Variants in LRFN5 observed in about 807,000 individuals in gnomAD.
The protein encoded by LRFN5 is leucine-rich repeat and fibronectin type-III domain-containing protein 5.
A neutral mutation model predicts 45.6 loss-of-function variants in LRFN5; 24 were observed. The ratio of observed to expected loss-of-function variants is 0.53; its 90% confidence interval spans 0.38 to 0.74. The LOEUF (loss-of-function observed/expected upper bound fraction) is 0.74, where lower values mean the gene tolerates loss of function less well. LRFN5 is among the 30% of genes least tolerant of loss of function. LRFN5 has a pLI of 0.00. For missense variants in LRFN5, 776 were observed against 861.5 expected (o/e 0.90, Z 1.24); for synonymous variants, 340 against 313.8 (o/e 1.08, Z -0.88).
intron 1 of LRFN5, among the ~76,000 whole-genome samples, chr14:41,708,252 T>C (rs946362072): frequency 6.6e-6 from 1 of 151,962 alleles, no homozygotes; most frequent in African/African-American, 2.4e-5. Context: ...TAAAATACAG[T>C]ATAATAAATG....
chr14:41,691,957 A>G (rs995646513), intron 1 of LRFN5, among the ~76,000 whole-genome samples: 3 of 152,128 alleles, frequency 2.0e-5, no homozygotes, highest in African/African-American at 7.2e-5. Flanking sequence ...TTATACCACA[A>G]TTTCTTTACC....
chr14:41,714,458 T>C (rs915083671), intron 1 of LRFN5, among the ~76,000 whole-genome samples: 4 of 152,240 alleles, frequency 2.6e-5, no homozygotes, highest in African/African-American at 4.8e-5. Flanking sequence ...TTCAAAATTA[T>C]GCATGGTTAA....
chr14:41,675,611 A>AGGGAGAG (rs367900494), intron 1 of LRFN5, among the ~76,000 whole-genome samples: 12 of 151,802 alleles, frequency 7.9e-5, no homozygotes, highest in South Asian at 6.2e-4. Context: ...GGACAGGGAG[A>AGGGAGAG]GGGAGAGGGG....
At chr14:41,722,298 C>A (rs1245156535) in intron 1 of LRFN5, among the ~76,000 whole-genome samples, 1 of 151,880 alleles carries the variant, frequency 6.6e-6, no homozygotes, top group Non-Finnish European at 1.5e-5. Context: ...GATTTTCAAC[C>A]TTGTCTTGGG....
At chr14:41,664,569 G>A (rs547493502) in intron 1 of LRFN5, among the ~76,000 whole-genome samples, 3 of 151,960 alleles carry the variant, frequency 2.0e-5, no homozygotes, top group African/African-American at 7.2e-5. Flanking sequence ...TGCTGAGATG[G>A]GAGGATTGCT....
At chr14:41,758,102 C>G (rs548527181) in intron 1 of LRFN5, among the ~76,000 whole-genome samples, 1 of 152,230 alleles carries the variant, frequency 6.6e-6, no homozygotes, top group South Asian at 2.1e-4. Flanking sequence ...TTTATCATAT[C>G]TCTTTCTCAA....
At chr14:41,874,880 A>G (rs924434558) in intron 2 of LRFN5, among the ~76,000 whole-genome samples, 4 of 152,182 alleles carry the variant, frequency 2.6e-5, no homozygotes, top group Non-Finnish European at 4.4e-5. Context: ...GGTGGCAGCA[A>G]GAAGTGCTGA....
intron 2 of LRFN5, among the ~76,000 whole-genome samples, chr14:41,879,144 G>C (rs998690677): frequency 4.0e-5 from 6 of 151,860 alleles, no homozygotes; most frequent in Non-Finnish European, 8.8e-5. Context: ...TATGTTGCCT[G>C]ATGATAAAAA....
chr14:41,749,618 T>C (rs2138839775), intron 1 of LRFN5, among the ~76,000 whole-genome samples: 1 of 152,174 alleles, frequency 6.6e-6, no homozygotes, highest in Middle Eastern at 3.4e-3. Flanking sequence ...TGAAACCATA[T>C]GACCTTATGA....
chr14:41,801,274 T>G (rs1020973518), intron 2 of LRFN5, among the ~76,000 whole-genome samples: 1 of 152,132 alleles, frequency 6.6e-6, no homozygotes, highest in African/African-American at 2.4e-5. Flanking sequence ...TTATGAGGAT[T>G]AAGTATATGT....
At chr14:41,882,001 T>G (rs1273038609) in intron 2 of LRFN5, among the ~76,000 whole-genome samples, 2 of 152,186 alleles carry the variant, frequency 1.3e-5, no homozygotes, top group African/African-American at 2.4e-5. Flanking sequence ...TGTTCATCAC[T>G]TTTTCTTGCT....
chr14:41,810,255 G>A (rs1406962034), intron 2 of LRFN5, among the ~76,000 whole-genome samples: 2 of 151,962 alleles, frequency 1.3e-5, no homozygotes, highest in Non-Finnish European at 2.9e-5. Context: ...TGCCTGAAGA[G>A]CTATAGGTAA....
intron 1 of LRFN5, among the ~76,000 whole-genome samples, chr14:41,613,557 C>T (rs183115026): frequency 7.3e-5 from 11 of 151,510 alleles, no homozygotes; most frequent in Admixed American, 3.3e-4. Flanking sequence ...ACAAATATTT[C>T]GAAAATGGCA....
At chr14:41,795,994 C>G (rs1887114998) in intron 2 of LRFN5, among the ~76,000 whole-genome samples, 1 of 151,620 alleles carries the variant, frequency 6.6e-6, no homozygotes, top group African/African-American at 2.4e-5. Context: ...CACTTTTTAT[C>G]TTAGTAATGG....
chr14:41,699,068 T>C (rs532278800), intron 1 of LRFN5, among the ~76,000 whole-genome samples: 2 of 152,202 alleles, frequency 1.3e-5, no homozygotes, highest in South Asian at 4.1e-4. Context: ...ACAGGCAAAG[T>C]ACATGACAGA....
intron 1 of LRFN5, among the ~76,000 whole-genome samples, chr14:41,652,567 T>C (rs141230867): frequency 4.4e-4 from 67 of 152,118 alleles, no homozygotes; most frequent in Non-Finnish European, 8.5e-4. Flanking sequence ...AATAGAAAAA[T>C]ATGACAAGGA....
At chr14:41,798,794 G>T (rs1461999731) in intron 2 of LRFN5, among the ~76,000 whole-genome samples, 1 of 151,682 alleles carries the variant, frequency 6.6e-6, no homozygotes, top group Non-Finnish European at 1.5e-5. Flanking sequence ...CTAAAATTTG[G>T]ACTCAGTTTC....
At chr14:41,837,863 CTAATT>C (rs768478410) in intron 2 of LRFN5, among the ~76,000 whole-genome samples, 7 of 152,156 alleles carry the variant, frequency 4.6e-5, no homozygotes, top group Non-Finnish European at 1.0e-4. Flanking sequence ...GCTGACAATT[CTAATT>C]TAATTCTCTT....
intron 2 of LRFN5, among the ~76,000 whole-genome samples, chr14:41,826,328 C>A (rs1301530177): frequency 6.6e-6 from 1 of 152,132 alleles, no homozygotes; most frequent in Non-Finnish European, 1.5e-5. Flanking sequence ...CATGAAGTTC[C>A]AATCATGGTT....
Sources: allele counts gnomAD v4.1 joint callset (sites outside exome capture counted in the v4.1 genomes callset), GRCh38; gene constraint gnomAD v4.1.1; transcripts MANE v1.5; gene names NCBI Gene and HGNC (gene_info 2026-07-23, HGNC 2026-07-21).